The following ULK4 variants were observed in gnomAD, a reference collection of about 807,000 sequenced individuals.
ULK4 encodes unc-51 like kinase 4.
A neutral mutation model predicts 160.6 loss-of-function variants in ULK4; 133 were observed. The observed-to-expected ratio is 0.83, with a 90% CI of 0.72 to 0.96. ULK4 has a LOEUF of 0.96. ULK4 is among the 40% of genes least tolerant of loss of function. The pLI is 0.00. For missense variants in ULK4, 1,580 were observed against 1,499.5 expected (o/e 1.05, Z -0.89); for synonymous variants, 534 against 539.8 (o/e 0.99, Z 0.15).
At position 41,677,629 on chromosome 3, in the gene ULK4, C is replaced by T. The variant is rs556580287; in HGVS notation, c.2978+3879G>A. On this transcript the variant is annotated intron_variant, in intron 29 of 36. Coordinates refer to ENST00000301831, the MANE Select transcript of ULK4 (RefSeq NM_017886.4). ...TACAGGTGAGAGCCACCGCGCCCGG[C>T]CCCTAAAGTTCATTGTTTAGCAAGT... Among the ~76,000 whole-genome samples the T allele has an allele frequency of 2.0e-5, 3 of 152,252 alleles. No individual in the cohort carries two copies. The East Asian group carries it at 5.8e-4, about 29-fold the overall frequency.
intron 30 of ULK4, among the ~76,000 whole-genome samples, chr3:41,634,920 G>A (rs2033888562): frequency 6.6e-6 from 1 of 152,146 alleles, no homozygotes; most frequent in African/African-American, 2.4e-5. Flanking sequence ...AGAAGAATAA[G>A]AAGAAACTGA....
chr3:41,296,680 G>A (rs2079674966), intron 35 of ULK4, among the ~76,000 whole-genome samples: 2 of 152,132 alleles, frequency 1.3e-5, no homozygotes, highest in African/African-American at 4.8e-5. Flanking sequence ...AATGAGCAGA[G>A]GGAACTCCAG....
At chr3:41,661,791 G>A (rs762066886) in intron 30 of ULK4, among the ~76,000 whole-genome samples, 1 of 152,098 alleles carries the variant, frequency 6.6e-6, no homozygotes, top group African/African-American at 2.4e-5. Flanking sequence ...AATTCTGCTT[G>A]TAAACTTTTT....
At chr3:41,568,374 CAT>C (rs2087857129) in intron 31 of ULK4, among the ~76,000 whole-genome samples, 2 of 152,184 alleles carry the variant, frequency 1.3e-5, no homozygotes. Context: ...AAGAAGTAGA[CAT>C]ATGTTTATTC....
At chr3:41,559,199 C>A (rs1282464938) in intron 32 of ULK4, among the ~76,000 whole-genome samples, 1 of 144,326 alleles carries the variant, frequency 6.9e-6, no homozygotes, top group South Asian at 2.3e-4. Flanking sequence ...CTACAAAGGA[C>A]ACGAACTCAT....
At chr3:41,839,374 A>C (rs1199937624) in intron 17 of ULK4, among the ~76,000 whole-genome samples, 1 of 151,092 alleles carries the variant, frequency 6.6e-6, no homozygotes, top group Non-Finnish European at 1.5e-5. Flanking sequence ...TTCTCACTAC[A>C]AAAAATACTA....
intron 29 of ULK4, among the ~76,000 whole-genome samples, chr3:41,673,842 T>C (rs1366453140): frequency 1.3e-5 from 2 of 152,170 alleles, no homozygotes; most frequent in Non-Finnish European, 2.9e-5. Flanking sequence ...CTTACAATGT[T>C]TCATATTTTT....
At chr3:41,256,953 C>T (rs1213888311) in intron 35 of ULK4, among the ~76,000 whole-genome samples, 1 of 152,158 alleles carries the variant, frequency 6.6e-6, no homozygotes, top group Non-Finnish European at 1.5e-5. Context: ...CTCCTGGGCT[C>T]AAGCAATCTT....
At chr3:41,773,946 A>T (rs1365015789) in intron 21 of ULK4, among the ~76,000 whole-genome samples, 1 of 152,220 alleles carries the variant, frequency 6.6e-6, no homozygotes. Context: ...ATCTTTGACA[A>T]ACCTGACAAA....
chr3:41,390,829 A>G (rs1347033625), intron 35 of ULK4, among the ~76,000 whole-genome samples: 5 of 152,140 alleles, frequency 3.3e-5, no homozygotes, highest in African/African-American at 1.2e-4. Context: ...GGTGCTGAGA[A>G]GAATGTATAT....
At chr3:41,545,393 C>T (rs565264823) in intron 32 of ULK4, among the ~76,000 whole-genome samples, 73 of 152,254 alleles carry the variant, frequency 4.8e-4, no homozygotes, top group African/African-American at 1.7e-3. Context: ...AAGACACTTT[C>T]TGGAGATATA....
intron 35 of ULK4, among the ~76,000 whole-genome samples, chr3:41,306,161 CCGCCCCAT>C (rs1381767007): frequency 9.3e-5 from 10 of 107,886 alleles, no homozygotes; most frequent in East Asian, 2.4e-4. Flanking sequence ...GCCAGGCCAG[CCGCCCCAT>C]CCGGGAGGGA....
At chr3:41,370,325 T>C (rs1251809209) in intron 35 of ULK4, among the ~76,000 whole-genome samples, 1 of 152,212 alleles carries the variant, frequency 6.6e-6, no homozygotes, top group East Asian at 1.9e-4. Flanking sequence ...ACTATCACTT[T>C]ATGATAAATA....
chr3:41,619,907 A>G (rs781603874), intron 30 of ULK4, among the ~76,000 whole-genome samples: 3 of 152,116 alleles, frequency 2.0e-5, no homozygotes, highest in Non-Finnish European at 4.4e-5. Flanking sequence ...TCAAATAGAC[A>G]CAACAAAAAA....
At chr3:41,870,449 A>G (rs1053423919) in intron 17 of ULK4, among the ~76,000 whole-genome samples, 5 of 152,190 alleles carry the variant, frequency 3.3e-5, no homozygotes, top group African/African-American at 1.2e-4. Context: ...AAACAGACCT[A>G]TAATTCACTG....
chr3:41,441,069 G>GTT (rs1446430153), intron 34 of ULK4, among the ~76,000 whole-genome samples: 3 of 151,878 alleles, frequency 2.0e-5, no homozygotes, highest in Non-Finnish European at 4.4e-5. Flanking sequence ...TATCAATTTT[G>GTT]TTGACCATCT....
intron 31 of ULK4, among the ~76,000 whole-genome samples, chr3:41,580,186 C>T (rs897706889): frequency 4.6e-5 from 7 of 152,110 alleles, no homozygotes; most frequent in African/African-American, 1.7e-4. Flanking sequence ...AACAGACAAG[C>T]GGCTGTCATG....
chr3:41,706,087 T>C (rs959036377), intron 25 of ULK4, among the ~76,000 whole-genome samples: 1 of 151,942 alleles, frequency 6.6e-6, no homozygotes, highest in Non-Finnish European at 1.5e-5. Flanking sequence ...AACCCCCTTA[T>C]CTGCGCTCCC....
chr3:41,541,627 C>T (rs2086698534), intron 32 of ULK4, among the ~76,000 whole-genome samples: 1 of 152,112 alleles, frequency 6.6e-6, no homozygotes, highest in Non-Finnish European at 1.5e-5. Context: ...GAAGTATGGC[C>T]ATTTTCATGA....
Sources: allele counts gnomAD v4.1 joint callset (sites outside exome capture counted in the v4.1 genomes callset), GRCh38; gene constraint gnomAD v4.1.1; transcripts MANE v1.5; gene names NCBI Gene and HGNC (gene_info 2026-07-23, HGNC 2026-07-21).